Variants in CARMIL3 observed in about 807,000 individuals in gnomAD.
The protein encoded by CARMIL3 is capping protein, Arp2/3 and myosin-I linker protein 3.
Under a neutral mutation model 180.8 loss-of-function variants are expected in CARMIL3, and 88 were observed. That is an observed-to-expected ratio of 0.49 (90% CI 0.41 to 0.58). CARMIL3 has a LOEUF of 0.58. CARMIL3 is among the 20% of genes least tolerant of loss of function. The pLI is 0.00. For synonymous variants in CARMIL3, 696 were observed against 714.5 expected, an observed-to-expected ratio of 0.97 and a Z score of 0.41; for missense variants, 1,548 against 1,787.0, an observed-to-expected ratio of 0.87 and a Z score of 2.41.
At chr14:24,052,638 A>T (rs2138685086) in intron 1 of CARMIL3, among the ~76,000 whole-genome samples, 1 of 152,296 alleles carries the variant, frequency 6.6e-6, no homozygotes, top group South Asian at 2.1e-4. Flanking sequence ...CCGCCCCGGA[A>T]CTGGCCCTGA....
Position 24,057,801 on chromosome 14 carries a change from A to C in CARMIL3, c.1141-2A>C, listed in dbSNP as rs1594548985. On this transcript the variant is annotated splice_acceptor_variant, in intron 14 of 39. Coordinates refer to ENST00000342740, the MANE Select transcript of CARMIL3 (RefSeq NM_138360.4). LOFTEE classifies it high-confidence loss of function. ...TGAGACCCACCATATCTCCCCCCACAGCTTCTCGGTGCCCTGCTCCACGGC... is the reference window on the plus strand; with the variant it reads ...TGAGACCCACCATATCTCCCCCCACCGCTTCTCGGTGCCCTGCTCCACGGC... 1 of 1,602,056 alleles carries C rather than the reference A, an allele frequency of 6.2e-7. No homozygotes were observed. Among genetic ancestry groups the C allele is most frequent in the Non-Finnish European group, 8.5e-7 (1 of 1,177,364 alleles).
At position 24,054,373 on chromosome 14, in the gene CARMIL3, C is replaced by G. The variant is rs1232707006; in HGVS notation, c.247-23C>G. 3 of 1,613,660 alleles carry G rather than the reference C, an allele frequency of 1.9e-6. No homozygotes were observed. Reference sequence around the variant, plus strand: ...GGAGCAGAGAGGAGGGAGTCTGAGGCTCTGACGCTTCGTCTCCCCCAGATC... The same window carrying G: ...GGAGCAGAGAGGAGGGAGTCTGAGGGTCTGACGCTTCGTCTCCCCCAGATC... On this transcript the variant is annotated intron_variant, in intron 4 of 39. Coordinates refer to ENST00000342740, the MANE Select transcript of CARMIL3 (RefSeq NM_138360.4). The surrounding 1 kb of genome is among the most constrained non-coding windows in gnomAD (Gnocchi z 5.1).
In CARMIL3 at chr14:24,062,771, G is replaced by C; in HGVS notation, c.2631G>C (p.Gln877His). 1 of 1,613,902 alleles carries C rather than the reference G, an allele frequency of 6.2e-7. No individual in the cohort carries two copies. Among genetic ancestry groups the C allele is most frequent in the Non-Finnish European group, 8.5e-7 (1 of 1,179,882 alleles). Residue 877 changes from glutamine to histidine, a missense_variant, in exon 29 of 40, where the codon CAG (glutamine) becomes CAC (histidine). Gln to His is a conservative substitution (Grantham distance 24). Around this residue, in one of 4 missense-constraint regions of CARMIL3, gnomAD observed 668 missense variants for 687.8 expected, o/e 0.97. Coordinates refer to ENST00000342740, the MANE Select transcript of CARMIL3 (RefSeq NM_138360.4). ...CACCAGGGTGCCCAGGCCAAGGGCA[G>C]GATCTGTCCTCCCGGGGCCGAGGCC... ...SDPPGCPGQG[Q>H]DLSSRGRGRN...
At chr14:24,062,382 C>G in intron 27 of CARMIL3, 98 bp from the exon 28 acceptor site, 1 of 1,104,276 alleles carries the variant, frequency 9.1e-7, no homozygotes, top group South Asian at 1.2e-5. Flanking sequence ...ACCAGGCCAG[C>G]TGGCCGTTCT....
At position 24,058,536 on chromosome 14, in the gene CARMIL3, T is replaced by TG; in HGVS notation, c.1393-142dup. On this transcript the variant is annotated intron_variant, in intron 17 of 39. Coordinates refer to ENST00000342740, the MANE Select transcript of CARMIL3 (RefSeq NM_138360.4). This position sits in a 1 kb window ranked among gnomAD's most constrained non-coding sequence, Gnocchi z 6.4. Reference sequence around the variant, plus strand: ...GGGAAGCCAGCTCTAGGGAAGGATCTGGTGTGGGGAAAGAGTCTCCCTGAT... The same window carrying TG: ...GGGAAGCCAGCTCTAGGGAAGGATCTGGGTGTGGGGAAAGAGTCTCCCTGAT... 1.4e-6 allele frequency: 1 copy of TG among 693,414 alleles called. No individual in the cohort carries two copies. Among genetic ancestry groups the TG allele is most frequent in the Non-Finnish European group, 2.4e-6 (1 of 413,624 alleles). The allele number at this position is 693,414 out of a possible 1,614,324, so 43.0% of individuals were successfully genotyped here.
intron 33 of CARMIL3, 69 bp from the exon 34 acceptor site, chr14:24,065,553 C>G (rs10150428): frequency 0.056 from 86,549 of 1,535,766 alleles, 7,216 homozygotes; most frequent in East Asian, 0.39. Flanking sequence ...GTCCTCCTGA[C>G]AACTCCCTCA....
rs1299201756 is a variant in CARMIL3 at position 24,061,551 on chromosome 14, C to G, written c.2359C>G (p.Arg787Gly). The stretch of plus-strand genomic sequence containing the variant: ...ACAGGAGTTATGCCCTGTGGCCATG[C>G]GGGTGGCCGAGGGACACAACAAGAT... ...LTQELCPVAM[R>G]VAEGHNKMLS... Residue 787 changes from arginine (R) to glycine (G), a missense_variant, in exon 27 of 40, where the codon CGG becomes GGG. Around this residue, in one of 4 missense-constraint regions of CARMIL3, gnomAD observed 297 missense variants for 415.9 expected, o/e 0.71. Coordinates refer to ENST00000342740, the MANE Select transcript of CARMIL3 (RefSeq NM_138360.4). The surrounding 1 kb of genome is among the most constrained non-coding windows in gnomAD (Gnocchi z 4.1). 2.5e-6 allele frequency: 4 copies of G among 1,613,872 alleles called. No individual in the cohort carries two copies. The highest frequency in any genetic ancestry group is 3.4e-6 in the Non-Finnish European group (4 of 1,179,992).
At position 24,060,773 on chromosome 14, in the gene CARMIL3, C is replaced by T. The variant is rs754457505; in HGVS notation, c.2190+17C>T. 1 of 1,610,630 alleles carries T rather than the reference C, an allele frequency of 6.2e-7. No individual in the cohort carries two copies. The highest frequency in any genetic ancestry group is 8.5e-7 in the Non-Finnish European group (1 of 1,178,086). On this transcript the variant is annotated intron_variant, in intron 25 of 39. Transcript: ENST00000342740. ...TCCCGGGCGGTGAGCCCTCCACAGG[C>T]TACCCTTCCCCTGAAGTCTGGAGAA...
In CARMIL3 at chr14:24,065,715, A is replaced by G. The variant is rs2035780456; in HGVS notation, c.3490A>G (p.Arg1164Gly). 1.2e-6 allele frequency: 2 copies of G among 1,614,024 alleles called. No individual in the cohort carries two copies. The highest frequency in any genetic ancestry group is 1.3e-5 in the African/African-American group (1 of 74,936). ...CGGTGTTGCCCTTCCCGGGTTGGAA[A>G]GAGCCAAGGGTTGGAGCTTCGATGG... is the stretch of plus-strand genomic sequence containing the variant. ...VHGVALPGLE[R>G]AKGWSFDGKR... The change falls in exon 34 of 40, where the codon AGA (arginine) becomes GGA (glycine). Residue 1164 changes from arginine to glycine, a missense_variant. Around this residue, in one of 4 missense-constraint regions of CARMIL3, gnomAD observed 668 missense variants for 687.8 expected, o/e 0.97. Coordinates refer to ENST00000342740, the MANE Select transcript of CARMIL3 (RefSeq NM_138360.4).
chr14:24,064,928 T>C, intron 32 of CARMIL3, 30 bp from the exon 33 acceptor site: 1 of 1,601,410 alleles, frequency 6.2e-7, no homozygotes, highest in East Asian at 2.2e-5. Flanking sequence ...CATCTGGCAT[T>C]TGTTGCTAAC....
At position 24,054,178 on chromosome 14, in the gene CARMIL3, C is replaced by G; in HGVS notation, c.186+40C>G. The stretch of plus-strand genomic sequence containing the variant: ...GGAGCAGGAGAGCACCTGGCATGCT[C>G]CCTACCTCCCAAGCCTGGCAACCCA... On this transcript the variant is annotated intron_variant, in intron 3 of 39. Transcript: ENST00000342740. This position sits in a 1 kb window ranked among gnomAD's most constrained non-coding sequence, Gnocchi z 5.1. 5 of 1,614,150 alleles carry G rather than the reference C, an allele frequency of 3.1e-6. No homozygotes were observed. The highest frequency in any genetic ancestry group is 4.2e-6 in the Non-Finnish European group (5 of 1,179,992).
intron 2 of CARMIL3, 100 bp downstream of exon 2, chr14:24,053,903 TG>T: frequency 1.6e-6 from 2 of 1,229,262 alleles, no homozygotes; most frequent in Non-Finnish European, 2.3e-6. Context: ...CAGAAGTGGG[TG>T]GACACTGAGG....
In CARMIL3 at chr14:24,068,704, T is replaced by C. The variant is rs759428502; in HGVS notation, c.3801+2T>C. 1.9e-6 allele frequency: 3 copies of C among 1,613,364 alleles called. No homozygotes were observed. The Admixed American group carries it at 5.0e-5, about 27-fold the overall frequency. Reference sequence around the variant, plus strand: ...ACACTTCCAGCTAGGAATGCCAAGGTGAGAGCTGGCAAGATGGGTGGGGGA... The same window carrying C: ...ACACTTCCAGCTAGGAATGCCAAGGCGAGAGCTGGCAAGATGGGTGGGGGA... On this transcript the variant is annotated splice_donor_variant, in intron 37 of 39. Coordinates refer to ENST00000342740, the MANE Select transcript of CARMIL3 (RefSeq NM_138360.4). LOFTEE classifies it high-confidence loss of function.
chr14:24,065,566 G>A, intron 33 of CARMIL3, 56 bp from the exon 34 acceptor site: 1 of 1,550,954 alleles, frequency 6.4e-7, no homozygotes, highest in East Asian at 2.3e-5. Flanking sequence ...CTCCCTCACA[G>A]CCTGGGGAGC....
In CARMIL3 at chr14:24,068,818, C is replaced by A. The variant is rs774391072; in HGVS notation, c.3834C>A (p.Pro1278=). Reference sequence around the variant, plus strand: ...ACCCCGCTCTAGCTCCATGGCCTCCCAAGCCAGTGGCTGTGCCCAGGGGCC... The same window carrying A: ...ACCCCGCTCTAGCTCCATGGCCTCCAAAGCCAGTGGCTGTGCCCAGGGGCC... ...LQDPALAPWP[P]KPVAVPRGRQ... is the part of the protein sequence containing the mutation. Residue 1278 remains proline, a synonymous_variant, in exon 38 of 40, where the codon CCC becomes CCA. Coordinates refer to ENST00000342740, the MANE Select transcript of CARMIL3 (RefSeq NM_138360.4). 1.9e-6 allele frequency: 3 copies of A among 1,613,720 alleles called. No homozygotes were observed. Among genetic ancestry groups the A allele is most frequent in the Non-Finnish European group, 8.5e-7 (1 of 1,180,000 alleles).
intron 38 of CARMIL3, 56 bp from the exon 39 acceptor site, chr14:24,069,081 A>G (rs781644243): frequency 1.0e-5 from 16 of 1,603,844 alleles, no homozygotes; most frequent in Non-Finnish European, 1.4e-5. Context: ...AGCCTGGATG[A>G]GCATCCCAGC....
chr14:24,061,488 C>T lies in CARMIL3; in HGVS notation c.2305-9C>T. ...CTTGGGCCTCTGGCCTCCCTTTCCCCCATACTAGGTGATCCTGGAGTCCAT... is the reference window on the plus strand; with the variant it reads ...CTTGGGCCTCTGGCCTCCCTTTCCCTCATACTAGGTGATCCTGGAGTCCAT... On this transcript the variant is annotated splice_polypyrimidine_tract_variant and intron_variant, in intron 26 of 39. Transcript: ENST00000342740. The surrounding 1 kb of genome is among the most constrained non-coding windows in gnomAD (Gnocchi z 4.1). The T allele has an allele frequency of 6.2e-7, 1 of 1,609,806 alleles. No individual in the cohort carries two copies. Among genetic ancestry groups the T allele is most frequent in the Non-Finnish European group, 8.5e-7 (1 of 1,177,708 alleles).
chr14:24,062,252 T>G, intron 27 of CARMIL3: 1 of 589,306 alleles, frequency 1.7e-6, no homozygotes, highest in Non-Finnish European at 3.0e-6. Flanking sequence ...AATTCCTCTT[T>G]CCCCACACAT....
Position 24,069,729 on chromosome 14 carries a change from C to T in CARMIL3, c.*325C>T, listed in dbSNP as rs777086448. 3 of 338,668 alleles carry T rather than the reference C, an allele frequency of 8.9e-6. No individual in the cohort carries two copies. Among genetic ancestry groups the T allele is most frequent in the Admixed American group, 4.4e-5 (1 of 22,558 alleles). 21.0% of individuals were successfully genotyped at this position (338,668 alleles called of 1,614,324 possible). On this transcript the variant is annotated 3_prime_UTR_variant, in exon 40 of 40. Transcript: ENST00000342740. ...GTATAGAATAAAAAAACAAAATCATCGCCTGCCTCGAGTCTCTGCTATCTT... is the reference window on the plus strand; with the variant it reads ...GTATAGAATAAAAAAACAAAATCATTGCCTGCCTCGAGTCTCTGCTATCTT...
Sources: gnomAD v4.1 joint callset for allele counts (sites outside exome capture counted in the v4.1 genomes callset) on GRCh38, gnomAD v4.1.1 for gene constraint, gnomAD v4.1.1 regional missense constraint, Gnocchi (gnomAD v3.1) non-coding constraint, MANE v1.5 for transcripts, NCBI Gene and HGNC (gene_info 2026-07-23, HGNC 2026-07-21) for gene names.